The following TTC27 variants were observed in gnomAD, a reference collection of about 807,000 sequenced individuals.
TTC27 encodes tetratricopeptide repeat domain 27.
TTC27 carries 79 observed loss-of-function variants against 115.9 expected under a neutral mutation model. That is an observed-to-expected ratio of 0.68 (90% CI 0.57 to 0.82). TTC27 has a LOEUF of 0.82. TTC27 is among the 40% of genes least tolerant of loss of function. TTC27 has a pLI of 0.00. For missense variants in TTC27, 1,054 were observed against 993.1 expected (o/e 1.06, Z -0.82); for synonymous variants, 401 against 356.0 (o/e 1.13, Z -1.42).
chr2:32,745,195 A>G (rs1232795094), intron 12 of TTC27, among the ~76,000 whole-genome samples: 1 of 152,160 alleles, frequency 6.6e-6, no homozygotes. Context: ...ATTAACACAT[A>G]CTAGCTTAGG....
At chr2:32,677,758 T>A (rs1267195428) in intron 8 of TTC27, among the ~76,000 whole-genome samples, 1 of 152,140 alleles carries the variant, frequency 6.6e-6, no homozygotes, top group Non-Finnish European at 1.5e-5. Context: ...CGGCCCAAAT[T>A]GTTTTCTAAA....
intron 14 of TTC27, among the ~76,000 whole-genome samples, chr2:32,779,085 G>A (rs1338887211): frequency 1.3e-5 from 2 of 152,152 alleles, no homozygotes; most frequent in African/African-American, 2.4e-5. Context: ...TTAGCTGGGC[G>A]TGATGACGCA....
intron 8 of TTC27, among the ~76,000 whole-genome samples, chr2:32,676,978 C>G (rs1666232877): frequency 6.6e-6 from 1 of 151,434 alleles, no homozygotes; most frequent in Non-Finnish European, 1.5e-5. Context: ...TTGGAATAGT[C>G]TAATAATAAA....
In TTC27 at chr2:32,786,994, T is replaced by G; in HGVS notation, c.1843T>G (p.Phe615Val). The change falls in exon 16 of 20, where the codon TTT becomes GTT. Residue 615 changes from phenylalanine (F) to valine (V), a missense_variant. Physicochemically the swap from Phe to Val is conservative, Grantham distance 50. Transcript: ENST00000317907. ...TTTGACCTTCAATAGAGTAAAAGCT[T>G]TTAGAACTTTACAAGAAGCTCTCAA... ...YIRLKQKVKA[F>V]RTLQEALKCN... 6.2e-7 allele frequency: 1 copy of G among 1,610,774 alleles called. No homozygotes were observed. Among genetic ancestry groups the G allele is most frequent in the Non-Finnish European group, 8.5e-7 (1 of 1,179,242 alleles).
At chr2:32,637,869 C>G (rs1572462460) in intron 3 of TTC27, among the ~76,000 whole-genome samples, 1 of 152,130 alleles carries the variant, frequency 6.6e-6, no homozygotes, top group African/African-American at 2.4e-5. Flanking sequence ...TCATCATGTC[C>G]AAGACTGAAC....
At chr2:32,756,569 G>A (rs1035764260) in intron 12 of TTC27, among the ~76,000 whole-genome samples, 1 of 152,196 alleles carries the variant, frequency 6.6e-6, no homozygotes, top group African/African-American at 2.4e-5. Context: ...AACATCCAAA[G>A]ACACTTTTAG....
chr2:32,761,009 C>T (rs780048397), intron 13 of TTC27, among the ~76,000 whole-genome samples: 1 of 152,160 alleles, frequency 6.6e-6, no homozygotes, highest in Non-Finnish European at 1.5e-5. Flanking sequence ...CAACTATACA[C>T]TGACAACTTC....
chr2:32,696,123 CA>C (rs1156644913), intron 9 of TTC27, among the ~76,000 whole-genome samples: 161 of 126,200 alleles, frequency 1.3e-3, no homozygotes, highest in Non-Finnish European at 1.2e-3. Flanking sequence ...GACTCTACCT[CA>C]AAAAAAAAAA....
At chr2:32,641,940 C>G (rs1363906561) in intron 4 of TTC27, among the ~76,000 whole-genome samples, 2 of 152,172 alleles carry the variant, frequency 1.3e-5, no homozygotes, top group Non-Finnish European at 2.9e-5. Context: ...ACTGCAAGCT[C>G]CACCTCCTGG....
Position 32,811,076 on chromosome 2 carries a change from G to A in TTC27, c.2051G>A (p.Gly684Glu), listed in dbSNP as rs747607707. The change falls in exon 17 of 20, where the codon GGA (glycine) becomes GAA (glutamate). Residue 684 changes from glycine to glutamate, a missense_variant. Coordinates refer to ENST00000317907, the MANE Select transcript of TTC27 (RefSeq NM_017735.5). ...ATTGATGGGATGACTGATCGAAGTGGAGATGTTGCAACTGGCCTCAAAGGA... is the reference window on the plus strand; with the variant it reads ...ATTGATGGGATGACTGATCGAAGTGAAGATGTTGCAACTGGCCTCAAAGGA... Reference protein sequence around the residue: ...AVIDGMTDRSGDVATGLKGKL... With the variant: ...AVIDGMTDRSEDVATGLKGKL... 6.2e-7 allele frequency: 1 copy of A among 1,614,144 alleles called. No individual in the cohort carries two copies. The highest frequency in any genetic ancestry group is 8.5e-7 in the Non-Finnish European group (1 of 1,180,012).
intron 9 of TTC27, among the ~76,000 whole-genome samples, chr2:32,694,345 G>A (rs960458673): frequency 6.6e-6 from 1 of 152,010 alleles, no homozygotes; most frequent in Non-Finnish European, 1.5e-5. Flanking sequence ...AAATAACCCA[G>A]CTTTTGGGAA....
chr2:32,815,480 G>A (rs977543399), intron 18 of TTC27, among the ~76,000 whole-genome samples: 5 of 151,550 alleles, frequency 3.3e-5, no homozygotes, highest in Admixed American at 2.6e-4. Context: ...CTTGTGATCC[G>A]CCCGCCTCAG....
At chr2:32,786,834 G>A (rs1007126094) in intron 15 of TTC27, 150 bp from the exon 16 acceptor site, 12 of 677,890 alleles carry the variant, frequency 1.8e-5, no homozygotes, top group East Asian at 2.9e-5. Context: ...GTTTGAGTTG[G>A]TTTTGTGTTG....
chr2:32,637,738 T>C (rs1435515616), intron 3 of TTC27, among the ~76,000 whole-genome samples: 1 of 152,178 alleles, frequency 6.6e-6, no homozygotes, highest in Non-Finnish European at 1.5e-5. Context: ...TACAACATGA[T>C]CCGATGAGGC....
In TTC27 at chr2:32,818,318, T is replaced by C. The variant is rs890803410; in HGVS notation, c.2409+761T>C. On this transcript the variant is annotated intron_variant, in intron 19 of 19. Coordinates refer to ENST00000317907, the MANE Select transcript of TTC27 (RefSeq NM_017735.5). ...AAAGTTGCAATGTAATGTTTCCTTTTAGAAAGACTCTTAAGTAAAAAAATT... is the reference window on the plus strand; with the variant it reads ...AAAGTTGCAATGTAATGTTTCCTTTCAGAAAGACTCTTAAGTAAAAAAATT... Among the ~76,000 whole-genome samples, 7 of 152,222 alleles carry C rather than the reference T, an allele frequency of 4.6e-5. No individual in the cohort carries two copies. In the East Asian group the frequency reaches 1.3e-3, roughly 29 times the overall value.
chr2:32,740,756 G>A (rs1478836051), intron 12 of TTC27, among the ~76,000 whole-genome samples: 1 of 152,204 alleles, frequency 6.6e-6, no homozygotes, highest in Non-Finnish European at 1.5e-5. Flanking sequence ...CTGGGTTCAA[G>A]CGATTCTCTT....
intron 18 of TTC27, among the ~76,000 whole-genome samples, chr2:32,815,616 A>G (rs986221262): frequency 6.6e-6 from 1 of 152,198 alleles, no homozygotes; most frequent in African/African-American, 2.4e-5. Context: ...GAAAACTAAT[A>G]GAGTATATCT....
In TTC27 at chr2:32,630,572, A is replaced by G. The variant is rs761595974; in HGVS notation, c.138A>G (p.Ile46Met). The G allele has an allele frequency of 4.3e-6, 7 of 1,612,972 alleles. No individual in the cohort carries two copies. Among genetic ancestry groups the G allele is most frequent in the Admixed American group, 3.3e-5 (2 of 59,904 alleles). The change falls in exon 2 of 20, where the codon ATA (isoleucine) becomes ATG (methionine). Residue 46 changes from isoleucine (I) to methionine (M), a missense_variant. Ile to Met is a conservative substitution (Grantham distance 10, BLOSUM62 1). Transcript: ENST00000317907. ...QLLLEGNYEA[I>M]FLNSMTQNIF... The stretch of plus-strand genomic sequence containing the variant: ...TACTGGAAGGGAACTATGAAGCCAT[A>G]TTCTTAAATTCAATGACTCAAAATA...
chr2:32,671,988 A>G (rs2295728), intron 7 of TTC27, among the ~76,000 whole-genome samples: 10,517 of 152,274 alleles, frequency 0.069, 411 homozygotes, highest in East Asian at 0.12. Flanking sequence ...AAAAATGTAT[A>G]TAAAATTATC....
Sources: gnomAD v4.1 joint callset for allele counts (sites outside exome capture counted in the v4.1 genomes callset) on GRCh38, gnomAD v4.1.1 for gene constraint, MANE v1.5 for transcripts, NCBI Gene and HGNC (gene_info 2026-07-23, HGNC 2026-07-21) for gene names.